The following MATCAP2 variants were observed in gnomAD, a reference collection of about 807,000 sequenced individuals.
MATCAP2 encodes the protein microtubule associated tyrosine carboxypeptidase 2, also known as putative tyrosine carboxypeptidase MATCAP2.
chr7:36,359,504 C>A, the MATCAP2 span, among the ~76,000 whole-genome samples: 1 of 152,066 alleles, frequency 6.6e-6, no homozygotes, highest in Non-Finnish European at 1.5e-5. Flanking sequence ...ATTTTCTAGG[C>A]CAGCATGTGA....
the MATCAP2 span, among the ~76,000 whole-genome samples, chr7:36,345,683 T>C: frequency 1.3e-5 from 2 of 152,176 alleles, no homozygotes; most frequent in South Asian, 2.1e-4. Flanking sequence ...CTCTATCCCA[T>C]ATCATATATA....
chr7:36,357,009 ATC>A, the MATCAP2 span: 3 of 1,614,086 alleles, frequency 1.9e-6, no homozygotes, highest in Non-Finnish European at 2.5e-6. Context: ...GATTTGAAGA[ATC>A]TCAGTTTTTC....
At chr7:36,348,594 C>T in the MATCAP2 span, among the ~76,000 whole-genome samples, 1 of 152,176 alleles carries the variant, frequency 6.6e-6, no homozygotes, top group Non-Finnish European at 1.5e-5. Context: ...CTAGCTATTC[C>T]TCACCTTCTA....
the MATCAP2 span, among the ~76,000 whole-genome samples, chr7:36,377,281 T>C: frequency 6.6e-6 from 1 of 152,366 alleles, no homozygotes; most frequent in Admixed American, 6.5e-5. Context: ...CAGGAGCTCT[T>C]GTAAGGCAGG....
the MATCAP2 span, chr7:36,333,903 T>C: frequency 1.2e-6 from 2 of 1,614,160 alleles, no homozygotes; most frequent in Non-Finnish European, 1.7e-6. Context: ...TACACAATAA[T>C]CCCATCTTGT....
chr7:36,363,186 C>T, the MATCAP2 span, among the ~76,000 whole-genome samples: 40 of 152,308 alleles, frequency 2.6e-4, no homozygotes, highest in Non-Finnish European at 5.1e-4. Context: ...TGCTGTAGGA[C>T]AAACAGGAGC....
chr7:36,384,743 G>A, the MATCAP2 span, among the ~76,000 whole-genome samples: 3 of 152,076 alleles, frequency 2.0e-5, no homozygotes, highest in African/African-American at 4.8e-5. Context: ...CAAATAACGA[G>A]GAGCAGACGT....
chr7:36,366,131 G>A, the MATCAP2 span, among the ~76,000 whole-genome samples: 1 of 152,216 alleles, frequency 6.6e-6, no homozygotes, highest in Non-Finnish European at 1.5e-5. Context: ...CTAGTTTGAG[G>A]AGTATTTCCC....
the MATCAP2 span, among the ~76,000 whole-genome samples, chr7:36,379,841 C>CAGAGAG: frequency 2.3e-3 from 298 of 127,528 alleles, 1 homozygote; most frequent in African/African-American, 6.4e-3. Context: ...CACACACACA[C>CAGAGAG]ACACACAGAG....
the MATCAP2 span, among the ~76,000 whole-genome samples, chr7:36,338,083 G>A: frequency 6.6e-6 from 1 of 151,832 alleles, no homozygotes; most frequent in African/African-American, 2.4e-5. Flanking sequence ...CCTGACTCTG[G>A]CATAACATCA....
the MATCAP2 span, among the ~76,000 whole-genome samples, chr7:36,382,869 A>G: frequency 6.6e-6 from 1 of 152,212 alleles, no homozygotes; most frequent in Non-Finnish European, 1.5e-5. Flanking sequence ...AAGTACATAA[A>G]ATAATTCTTA....
chr7:36,333,309 G>A, the MATCAP2 span, among the ~76,000 whole-genome samples: 28 of 152,108 alleles, frequency 1.8e-4, no homozygotes, highest in Non-Finnish European at 3.7e-4. Context: ...TTCAAAACAG[G>A]TAAATCTAGA....
chr7:36,373,871 A>G, the MATCAP2 span, among the ~76,000 whole-genome samples: 7 of 151,774 alleles, frequency 4.6e-5, no homozygotes, highest in African/African-American at 1.7e-4. Flanking sequence ...TGCAACTTCC[A>G]TCTCCCAGGT....
chr7:36,389,145 C>G, the MATCAP2 span, among the ~76,000 whole-genome samples: 7 of 152,122 alleles, frequency 4.6e-5, no homozygotes, highest in Non-Finnish European at 8.8e-5. Context: ...ACCTCCACCT[C>G]CCGGGTCCCA....
the MATCAP2 span, among the ~76,000 whole-genome samples, chr7:36,363,715 T>C: frequency 6.6e-6 from 1 of 152,210 alleles, no homozygotes; most frequent in Non-Finnish European, 1.5e-5. Context: ...CCTGACCAAG[T>C]TACATAACTT....
At chr7:36,366,028 G>A in the MATCAP2 span, among the ~76,000 whole-genome samples, 1 of 152,220 alleles carries the variant, frequency 6.6e-6, no homozygotes. Flanking sequence ...TCACTGGAAA[G>A]AGGTTTGGTT....
At chr7:36,383,873 T>C in the MATCAP2 span, 28 of 1,603,980 alleles carry the variant, frequency 1.7e-5, no homozygotes, top group Non-Finnish European at 2.3e-5. Flanking sequence ...GGTAGAGAAC[T>C]TGAGTTTAGC....
the MATCAP2 span, chr7:36,390,047 G>A: frequency 1.9e-6 from 3 of 1,613,844 alleles, no homozygotes. Flanking sequence ...TTACGGAGGT[G>A]AGTGAGTTTG....
the MATCAP2 span, chr7:36,384,038 GTATAAAA>G: frequency 2.6e-6 from 1 of 380,288 alleles, no homozygotes; most frequent in African/African-American, 2.1e-5. Flanking sequence ...TATAAAAATA[GTATAAAA>G]TATAAAATAC....
Sources: gnomAD v4.1 joint callset for allele counts (sites outside exome capture counted in the v4.1 genomes callset) on GRCh38, gnomAD v4.1.1 for gene constraint, MANE v1.5 for transcripts, NCBI Gene and HGNC (gene_info 2026-07-23, HGNC 2026-07-21) for gene names.